The following TAFA5 variants were observed in gnomAD, a reference collection of about 807,000 sequenced individuals.
TAFA5 encodes the protein TAFA chemokine like family member 5, also known as chemokine-like protein TAFA-5.
A neutral mutation model predicts 15.3 loss-of-function variants in TAFA5; 6 were observed. That is an observed-to-expected ratio of 0.39 (90% confidence interval 0.21 to 0.77). The LOEUF (loss-of-function observed/expected upper bound fraction) is 0.77. Ranked by LOEUF, TAFA5 falls within the 30% of genes least tolerant of loss-of-function variation. The pLI is 0.41. For synonymous variants in TAFA5, 103 were observed against 80.7 expected (o/e 1.28, Z -1.48); for missense variants, 161 against 193.1 (o/e 0.83, Z 0.98).
At chr22:48,740,126 CT>C (rs999830552) in intron 3 of TAFA5, among the ~76,000 whole-genome samples, 1 of 152,202 alleles carries the variant, frequency 6.6e-6, no homozygotes, top group Non-Finnish European at 1.5e-5. Context: ...CTGCAGGCCC[CT>C]CTCCTCCAAC....
At chr22:48,738,441 C>T (rs572888714) in intron 3 of TAFA5, among the ~76,000 whole-genome samples, 2 of 152,060 alleles carry the variant, frequency 1.3e-5, no homozygotes, top group Non-Finnish European at 2.9e-5. Flanking sequence ...GGCCTCTGGG[C>T]GCACAGCAAG....
intron 1 of TAFA5, among the ~76,000 whole-genome samples, chr22:48,595,103 G>A (rs1390738344): frequency 3.3e-5 from 5 of 152,162 alleles, no homozygotes; most frequent in Non-Finnish European, 7.4e-5. Flanking sequence ...ATTTGGCTTT[G>A]GAATTAGGCC....
intron 3 of TAFA5, among the ~76,000 whole-genome samples, chr22:48,709,675 G>C (rs1929191860): frequency 6.6e-6 from 1 of 152,234 alleles, no homozygotes; most frequent in Non-Finnish European, 1.5e-5. Flanking sequence ...GCCCAGGCCA[G>C]CGTTCAGGCT....
intron 2 of TAFA5, among the ~76,000 whole-genome samples, chr22:48,696,063 C>T (rs1019415914): frequency 2.0e-5 from 3 of 152,090 alleles, no homozygotes; most frequent in African/African-American, 2.4e-5. Context: ...ACCCCTGGTC[C>T]GTAGAATTCA....
intron 1 of TAFA5, among the ~76,000 whole-genome samples, chr22:48,500,856 G>C (rs144947348): frequency 2.8e-4 from 43 of 152,328 alleles, no homozygotes; most frequent in African/African-American, 1.0e-3. Flanking sequence ...GGTAGGGCTG[G>C]TGCTTGGTAT....
intron 1 of TAFA5, among the ~76,000 whole-genome samples, chr22:48,636,293 C>G (rs1054442686): frequency 6.6e-6 from 1 of 152,220 alleles, no homozygotes; most frequent in East Asian, 1.9e-4. Context: ...GTGGGGGAAC[C>G]GGGCTTCCAT....
intron 1 of TAFA5, among the ~76,000 whole-genome samples, chr22:48,503,516 C>G (rs1274920094): frequency 6.6e-6 from 1 of 152,246 alleles, no homozygotes; most frequent in Non-Finnish European, 1.5e-5. Flanking sequence ...CCAAAAGTGC[C>G]AGGGACAGTG....
intron 1 of TAFA5, among the ~76,000 whole-genome samples, chr22:48,569,110 C>T (rs1923499464): frequency 6.6e-6 from 1 of 152,172 alleles, no homozygotes; most frequent in Admixed American, 6.5e-5. Context: ...ACAGCCGCCT[C>T]CCCTCTCTGG....
intron 1 of TAFA5, among the ~76,000 whole-genome samples, chr22:48,558,320 TA>T (rs2147130550): frequency 6.6e-6 from 1 of 152,376 alleles, no homozygotes; most frequent in East Asian, 1.9e-4. Context: ...AGGTGTTTCT[TA>T]AAGTCTAGCA....
chr22:48,534,461 C>A (rs1922082621), intron 1 of TAFA5, among the ~76,000 whole-genome samples: 1 of 152,046 alleles, frequency 6.6e-6, no homozygotes, highest in Non-Finnish European at 1.5e-5. Context: ...AGTGTGGAGG[C>A]AGAGAGGAGG....
intron 2 of TAFA5, among the ~76,000 whole-genome samples, chr22:48,662,516 C>G (rs1302036549): frequency 6.6e-6 from 1 of 151,812 alleles, no homozygotes; most frequent in South Asian, 2.1e-4. Flanking sequence ...CGGTGGGGCT[C>G]CAGTAGAGGT....
At chr22:48,601,957 CACAT>C (rs66473577) in intron 1 of TAFA5, among the ~76,000 whole-genome samples, 33,861 of 152,028 alleles carry the variant, frequency 0.22, 3,863 homozygotes, top group South Asian at 0.35. Context: ...TCATGGCTGG[CACAT>C]ACAGACCGTG....
intron 3 of TAFA5, among the ~76,000 whole-genome samples, chr22:48,733,746 A>T (rs904564018): frequency 6.6e-6 from 1 of 152,038 alleles, no homozygotes; most frequent in African/African-American, 2.4e-5. Flanking sequence ...CTGCAGGCCA[A>T]ATCAGGCCCA....
chr22:48,565,214 C>T (rs1315499936), intron 1 of TAFA5, among the ~76,000 whole-genome samples: 2 of 152,204 alleles, frequency 1.3e-5, no homozygotes, highest in East Asian at 3.9e-4. Flanking sequence ...CCCACTGTCA[C>T]GGCCAAGTGC....
chr22:48,532,892 G>A (rs1278510166), intron 1 of TAFA5, among the ~76,000 whole-genome samples: 1 of 152,234 alleles, frequency 6.6e-6, no homozygotes, highest in Non-Finnish European at 1.5e-5. Flanking sequence ...TTGCAACAGG[G>A]AGATCATATC....
chr22:48,611,804 C>T (rs1454007136), intron 1 of TAFA5, among the ~76,000 whole-genome samples: 2 of 152,192 alleles, frequency 1.3e-5, no homozygotes, highest in Non-Finnish European at 2.9e-5. Context: ...TGGGCAGAAG[C>T]TGTTCCAGGC....
chr22:48,637,397 C>T (rs1926488854), intron 1 of TAFA5, among the ~76,000 whole-genome samples: 3 of 152,304 alleles, frequency 2.0e-5, no homozygotes, highest in South Asian at 4.1e-4. Context: ...TGTCTCAGTT[C>T]GAAAGCGGTT....
chr22:48,568,698 G>A (rs1923484896), intron 1 of TAFA5, among the ~76,000 whole-genome samples: 1 of 152,246 alleles, frequency 6.6e-6, no homozygotes, highest in South Asian at 2.1e-4. Flanking sequence ...TGACTGGCCA[G>A]CGGTCTGGTC....
rs114453137 is a variant in TAFA5, at chr22:48,500,444, C to T, written c.112+10740C>T. ...AATAGGGGACGGGTCACTTGGGCCA[C>T]TGTGGAGCAAAGTGAGCTTGCACAG... On this transcript the variant is annotated intron_variant, in intron 1 of 3. Transcript: ENST00000402357. Among the ~76,000 whole-genome samples, 243 of 152,358 alleles carry T rather than the reference C, an allele frequency of 1.6e-3. 1 individual carries two copies. Among genetic ancestry groups the T allele is most frequent in the African/African-American group, 5.4e-3 (226 of 41,594 alleles).
Sources: gnomAD v4.1 joint callset for allele counts (sites outside exome capture counted in the v4.1 genomes callset) on GRCh38, gnomAD v4.1.1 for gene constraint, MANE v1.5 for transcripts, NCBI Gene and HGNC (gene_info 2026-07-23, HGNC 2026-07-21) for gene names.